The following ADAMTS12 variants were observed in gnomAD, a reference collection of about 807,000 sequenced individuals.
ADAMTS12 encodes ADAM metallopeptidase with thrombospondin type 1 motif 12, also known as A disintegrin and metalloproteinase with thrombospondin motifs 12.
ADAMTS12 carries 118 observed loss-of-function variants against 167.8 expected under a neutral mutation model. The ratio of observed to expected loss-of-function variants is 0.70; its 90% CI spans 0.61 to 0.82. ADAMTS12 has a LOEUF of 0.82. Among genes scored for constraint, ADAMTS12 ranks in the 40% least tolerant of loss-of-function variants. ADAMTS12 has a pLI of 0.00. For synonymous variants in ADAMTS12, 704 were observed against 716.9 expected (o/e 0.98, Z 0.29); for missense variants, 1,916 against 1,998.8 (o/e 0.96, Z 0.79).
In ADAMTS12 at chr5:33,863,735, C is replaced by T. The variant is rs556389489; in HGVS notation, c.489+17384G>A. ...ATTTCATATGAAACTAAAAAAGAGC[C>T]CGTAGAGCCAAGACAATCTTAATCA... On this transcript the variant is annotated intron_variant, in intron 2 of 23. Transcript: ENST00000504830. Among the ~76,000 whole-genome samples, 73 of 152,230 alleles carry T rather than the reference C, an allele frequency of 4.8e-4. 1 individual carries two copies. Among genetic ancestry groups the T allele is most frequent in the African/African-American group, 1.6e-3 (67 of 41,542 alleles).
intron 2 of ADAMTS12, among the ~76,000 whole-genome samples, chr5:33,756,535 T>A (rs2077219105): frequency 6.6e-6 from 1 of 152,032 alleles, no homozygotes; most frequent in Non-Finnish European, 1.5e-5. Flanking sequence ...AAAGTATAAG[T>A]CAAGAGATTA....
chr5:33,822,158 TC>T (rs1198730468), intron 2 of ADAMTS12, among the ~76,000 whole-genome samples: 2 of 152,326 alleles, frequency 1.3e-5, no homozygotes, highest in East Asian at 3.9e-4. Context: ...AATTGAGAGA[TC>T]CTATTTCTCC....
chr5:33,871,713 T>A (rs1239117577), intron 2 of ADAMTS12, among the ~76,000 whole-genome samples: 1 of 151,978 alleles, frequency 6.6e-6, no homozygotes, highest in African/African-American at 2.4e-5. Flanking sequence ...ATCAATAAAA[T>A]CAGTAAGCCT....
At chr5:33,875,632 G>A (rs963115509) in intron 2 of ADAMTS12, among the ~76,000 whole-genome samples, 1 of 152,184 alleles carries the variant, frequency 6.6e-6, no homozygotes, top group African/African-American at 2.4e-5. Context: ...ATCAAAAAAA[G>A]CTCTCAGAAA....
chr5:33,588,670 G>C lies in ADAMTS12; in HGVS notation c.2794C>G (p.Pro932Ala). 1 of 1,614,154 alleles carries C rather than the reference G, an allele frequency of 6.2e-7. No individual in the cohort carries two copies. The highest frequency in any genetic ancestry group is 8.5e-7 in the Non-Finnish European group (1 of 1,180,024). ...CTGTTGCAGGAAAGGAGGGTCTTGG[G>C]CTTCAGCAGGTGCTGGCAGTCTGTG... ...PPTDCQHLLK[P>A]KTLLSCNRDI... The change falls in exon 18 of 24, where the codon CCC becomes GCC. Residue 932 changes from proline (P) to alanine (A), a missense_variant. Pro to Ala is a conservative substitution (Grantham distance 27, BLOSUM62 -1). Coordinates refer to ENST00000504830, the MANE Select transcript of ADAMTS12 (RefSeq NM_030955.4).
In ADAMTS12 at chr5:33,672,159, TCACATACA is replaced by T. The variant is rs1207235298; in HGVS notation, c.916-10127_916-10120del. 9.4e-5 allele frequency among the ~76,000 whole-genome samples: 11 copies of T among 116,982 alleles called. No individual in the cohort carries two copies. In the East Asian group the frequency reaches 1.3e-3, roughly 14 times the overall value. The allele number at this position is 116,982 out of a possible 152,430, so 76.7% of individuals were successfully genotyped here. A position where few individuals can be genotyped will look rare whatever the true frequency, so the allele number is the denominator to read the frequency against. On this transcript the variant is annotated intron_variant, in intron 5 of 23. Transcript: ENST00000504830. ...TACATACACACACACATCCACATAC[TCACATACA>T]CACATACACACAGATCCACATACTC...
At chr5:33,568,611 C>A (rs1056626983) in intron 19 of ADAMTS12, among the ~76,000 whole-genome samples, 1 of 152,222 alleles carries the variant, frequency 6.6e-6, no homozygotes, top group Non-Finnish European at 1.5e-5. Context: ...CACTTACCTA[C>A]TCATCAGGAC....
intron 2 of ADAMTS12, among the ~76,000 whole-genome samples, chr5:33,761,112 G>C (rs754956429): frequency 2.0e-5 from 3 of 152,116 alleles, no homozygotes; most frequent in Non-Finnish European, 4.4e-5. Context: ...GAAGCAAAAA[G>C]CCATTATGGC....
chr5:33,766,210 C>T (rs1398963728), intron 2 of ADAMTS12, among the ~76,000 whole-genome samples: 1 of 152,164 alleles, frequency 6.6e-6, no homozygotes, highest in Non-Finnish European at 1.5e-5. Flanking sequence ...GCAGGCACTA[C>T]TTCAACCACG....
intron 3 of ADAMTS12, among the ~76,000 whole-genome samples, chr5:33,740,629 C>T (rs566322739): frequency 7.2e-5 from 11 of 152,316 alleles, no homozygotes; most frequent in South Asian, 2.1e-4. Flanking sequence ...ACTGCGGGCA[C>T]GCACCCAATC....
intron 3 of ADAMTS12, among the ~76,000 whole-genome samples, chr5:33,744,809 T>C (rs1008648596): frequency 4.6e-5 from 7 of 152,202 alleles, no homozygotes; most frequent in African/African-American, 1.2e-4. Context: ...TTTTGGGTTT[T>C]CTTTCTTTCA....
chr5:33,529,294 G>A (rs887158903), intron 23 of ADAMTS12, among the ~76,000 whole-genome samples: 2 of 152,178 alleles, frequency 1.3e-5, no homozygotes, highest in East Asian at 1.9e-4. Context: ...GTCAGGGAAC[G>A]AGAGTGGGTT....
At chr5:33,554,741 A>C (rs1180407670) in intron 20 of ADAMTS12, among the ~76,000 whole-genome samples, 1 of 152,194 alleles carries the variant, frequency 6.6e-6, no homozygotes, top group Non-Finnish European at 1.5e-5. Context: ...ATTTGTAAAA[A>C]TTCAGGTCCA....
At chr5:33,776,977 A>G (rs1745935479) in intron 2 of ADAMTS12, among the ~76,000 whole-genome samples, 1 of 152,170 alleles carries the variant, frequency 6.6e-6, no homozygotes, top group Admixed American at 6.5e-5. Flanking sequence ...CTGAATCATG[A>G]AGAAACAGAA....
At chr5:33,528,637 T>C (rs1412948943) in intron 23 of ADAMTS12, among the ~76,000 whole-genome samples, 2 of 152,238 alleles carry the variant, frequency 1.3e-5, no homozygotes, top group African/African-American at 4.8e-5. Context: ...TATAAGGTTG[T>C]CCAGCTGATA....
At chr5:33,657,484 C>A (rs933698036) in intron 7 of ADAMTS12, among the ~76,000 whole-genome samples, 2 of 152,178 alleles carry the variant, frequency 1.3e-5, no homozygotes, top group Non-Finnish European at 2.9e-5. Flanking sequence ...AAGCTAAGAA[C>A]TTTCCTCCAT....
intron 2 of ADAMTS12, among the ~76,000 whole-genome samples, chr5:33,869,965 C>T (rs1452125729): frequency 6.6e-6 from 1 of 152,290 alleles, no homozygotes; most frequent in Middle Eastern, 3.4e-3. Flanking sequence ...CCTGGGAATG[C>T]ATTCTTTTCC....
At chr5:33,777,802 A>C (rs1347492359) in intron 2 of ADAMTS12, among the ~76,000 whole-genome samples, 1 of 152,092 alleles carries the variant, frequency 6.6e-6, no homozygotes, top group Non-Finnish European at 1.5e-5. Context: ...AAAAAAAGTT[A>C]CAACTAGTAA....
intron 3 of ADAMTS12, among the ~76,000 whole-genome samples, chr5:33,711,357 A>G (rs1476661381): frequency 2.0e-5 from 3 of 152,162 alleles, no homozygotes; most frequent in Non-Finnish European, 4.4e-5. Flanking sequence ...CAATTTTTAC[A>G]GCTGACTGGC....
Sources: gnomAD v4.1 joint callset for allele counts (sites outside exome capture counted in the v4.1 genomes callset) on GRCh38, gnomAD v4.1.1 for gene constraint, MANE v1.5 for transcripts, NCBI Gene and HGNC (gene_info 2026-07-23, HGNC 2026-07-21) for gene names.